Variants in TPP2 observed in about 807,000 individuals in gnomAD.
The protein encoded by TPP2 is tripeptidyl-peptidase 2.
TPP2 carries 34 observed loss-of-function variants against 155.9 expected under a neutral mutation model. That is an observed-to-expected ratio of 0.22 (90% CI 0.17 to 0.29). TPP2 has a LOEUF of 0.29. Ranked by LOEUF, TPP2 falls within the 10% of genes least tolerant of loss-of-function variation. The pLI is 1.00. For synonymous variants in TPP2, 510 were observed against 529.4 expected (o/e 0.96, Z 0.50); for missense variants, 1,028 against 1,522.3 (o/e 0.68, Z 5.40).
rs773568607 is a variant in TPP2, at chr13:102,637,274, CTT to C, written c.1836+37_1836+38del. On this transcript the variant is annotated intron_variant, in intron 14 of 29. Coordinates refer to ENST00000376052, the MANE Select transcript of TPP2 (RefSeq NM_001330588.2). ...TATCTTCATTTTTACTTTCTTCACT[CTT>C]TAAAATGTTTAAAAGGTTAAAAAAA... 5.1e-6 allele frequency: 8 copies of C among 1,557,148 alleles called. No homozygotes were observed. The East Asian group carries it at 1.6e-4, about 31-fold the overall frequency.
intron 25 of TPP2, among the ~76,000 whole-genome samples, chr13:102,658,761 G>GT (rs1162610791): frequency 2.5e-5 from 1 of 39,428 alleles, no homozygotes; most frequent in Non-Finnish European, 5.3e-5. Flanking sequence ...TCCAGCTCCT[G>GT]GGGGAGGGAA....
Position 102,644,953 on chromosome 13 carries a change from G to C in TPP2, c.2337G>C (p.Leu779Phe). The C allele has an allele frequency of 1.2e-6, 2 of 1,614,052 alleles. No individual in the cohort carries two copies. The highest frequency in any genetic ancestry group is 1.7e-6 in the Non-Finnish European group (2 of 1,179,956). ...GINRFDVQSSLKYEDLAPCIT... is the reference protein window; with the variant it reads ...GINRFDVQSSFKYEDLAPCIT... Reference sequence around the variant, plus strand: ...ACCGCTTTGATGTTCAGTCCTCCTTGAAATACGAAGATCTGGCTCCCTGCA... The same window carrying C: ...ACCGCTTTGATGTTCAGTCCTCCTTCAAATACGAAGATCTGGCTCCCTGCA... The change falls in exon 19 of 30, where the codon TTG becomes TTC. Residue 779 changes from leucine (L) to phenylalanine (F), a missense_variant. Coordinates refer to ENST00000376052, the MANE Select transcript of TPP2 (RefSeq NM_001330588.2).
chr13:102,671,314 G>A (rs1420049263), intron 27 of TPP2, among the ~76,000 whole-genome samples: 1 of 152,126 alleles, frequency 6.6e-6, no homozygotes, highest in African/African-American at 2.4e-5. Flanking sequence ...AGACTTTTTG[G>A]GAATGAGGAA....
intron 27 of TPP2, among the ~76,000 whole-genome samples, chr13:102,673,975 A>T (rs527628241): frequency 2.3e-4 from 35 of 152,332 alleles, no homozygotes; most frequent in African/African-American, 7.2e-4. Flanking sequence ...TTACCTGATT[A>T]AGAGTTATAT....
chr13:102,670,919 A>G (rs926136331), intron 27 of TPP2, among the ~76,000 whole-genome samples: 1 of 152,232 alleles, frequency 6.6e-6, no homozygotes, highest in African/African-American at 2.4e-5. Flanking sequence ...TCTTTACGAC[A>G]GAGGCATATA....
intron 16 of TPP2, among the ~76,000 whole-genome samples, 199 bp downstream of exon 16, chr13:102,640,575 C>T (rs143886842): frequency 1.4e-3 from 209 of 151,292 alleles, no homozygotes; most frequent in African/African-American, 4.9e-3. Context: ...GAAATTAAGC[C>T]ATCTTAAGAT....
chr13:102,648,321 GGT>G (rs1239408040), intron 21 of TPP2, among the ~76,000 whole-genome samples: 3 of 152,078 alleles, frequency 2.0e-5, no homozygotes, highest in Admixed American at 6.5e-5. Flanking sequence ...TCTAGGCTAT[GGT>G]GCACTATGAT....
intron 3 of TPP2, among the ~76,000 whole-genome samples, chr13:102,615,617 A>G (rs1880658051): frequency 6.6e-6 from 1 of 152,154 alleles, no homozygotes; most frequent in African/African-American, 2.4e-5. Context: ...ATAGAACCCT[A>G]TCAAGTCAAA....
chr13:102,621,017 C>T (rs1324562100), intron 5 of TPP2, among the ~76,000 whole-genome samples: 1 of 152,164 alleles, frequency 6.6e-6, no homozygotes. Context: ...GTGTATGAGC[C>T]TCATTTTGAT....
chr13:102,676,503 A>G lies in TPP2; in HGVS notation c.3699+88A>G, dbSNP rs116191497. The stretch of plus-strand genomic sequence containing the variant: ...CTAGAAAGGATTAGGACTGTGATAT[A>G]GCAATACTGGTTTTATTGTGACCAG... On this transcript the variant is annotated intron_variant, in intron 29 of 29. Coordinates refer to ENST00000376052, the MANE Select transcript of TPP2 (RefSeq NM_001330588.2). 1,563 of 1,485,224 alleles carry G rather than the reference A, an allele frequency of 1.1e-3. 10 individuals carry two copies. In the African/African-American group the frequency reaches 0.018, roughly 17 times the overall value. The allele number at this position is 1,485,224 out of a possible 1,614,324, so 92.0% of individuals were successfully genotyped here.
At chr13:102,676,243 C>T (rs1885275648) in intron 28 of TPP2, 53 bp from the exon 29 acceptor site, 2 of 1,446,240 alleles carry the variant, frequency 1.4e-6, no homozygotes, top group African/African-American at 2.9e-5. Context: ...AAAGCTAATG[C>T]CTTAAAATGT....
chr13:102,597,879 TA>T (rs1268057834), intron 1 of TPP2, among the ~76,000 whole-genome samples: 2 of 152,208 alleles, frequency 1.3e-5, no homozygotes, highest in Non-Finnish European at 2.9e-5. Context: ...CGTGTTTGCT[TA>T]GGGTCATTGA....
At chr13:102,608,153 C>T (rs1181534875) in intron 2 of TPP2, 1 of 152,104 alleles carries the variant, frequency 6.6e-6, no homozygotes, top group Non-Finnish European at 1.5e-5. Flanking sequence ...TTTAAAAAGA[C>T]AAATATTTTT....
At chr13:102,639,076 A>G (rs1882581516) in intron 15 of TPP2, among the ~76,000 whole-genome samples, 1 of 152,320 alleles carries the variant, frequency 6.6e-6, no homozygotes, top group Admixed American at 6.5e-5. Flanking sequence ...CCCTGGGTGA[A>G]GGGAGTCCCT....
chr13:102,655,014 C>G lies in TPP2; in HGVS notation c.2992-2042C>G, dbSNP rs769133785. On this transcript the variant is annotated intron_variant, in intron 24 of 29. Coordinates refer to ENST00000376052, the MANE Select transcript of TPP2 (RefSeq NM_001330588.2). The stretch of plus-strand genomic sequence containing the variant: ...TCCCAGTCTCATGTTTCACGTGAGG[C>G]CTTTGTTTACAGGTTCTGGCCCCCT... 9.9e-6 allele frequency: 5 copies of G among 507,528 alleles called. No homozygotes were observed. In the East Asian group the frequency reaches 2.2e-4, roughly 23 times the overall value. The allele number at this position is 507,528 out of a possible 1,614,324, so 31.4% of individuals were successfully genotyped here.
intron 15 of TPP2, 114 bp from the exon 16 acceptor site, chr13:102,640,156 A>G (rs1457769518): frequency 6.1e-6 from 5 of 816,288 alleles, no homozygotes; most frequent in Non-Finnish European, 9.2e-6. Context: ...ACCAGCTTCT[A>G]AGTCCCTGTG....
chr13:102,620,150 G>A lies in TPP2; in HGVS notation c.620+1304G>A, dbSNP rs555895421. ...TACTTTGTCTTAGGAAAAGGAATCCGGAGTCAGGATGTCCAGGGTACCAGT... is the reference window on the plus strand; with the variant it reads ...TACTTTGTCTTAGGAAAAGGAATCCAGAGTCAGGATGTCCAGGGTACCAGT... On this transcript the variant is annotated intron_variant, in intron 5 of 29. Transcript: ENST00000376052. Among the ~76,000 whole-genome samples the A allele has an allele frequency of 5.3e-5, 8 of 152,288 alleles. No individual in the cohort carries two copies. The South Asian group carries it at 1.2e-3, about 24-fold the overall frequency.
At chr13:102,643,453 T>C in intron 17 of TPP2, 77 bp downstream of exon 17, 2 of 1,275,122 alleles carry the variant, frequency 1.6e-6, no homozygotes, top group Non-Finnish European at 2.0e-6. Flanking sequence ...AGTATTTGCA[T>C]TTGATTTTAT....
chr13:102,649,087 A>G lies in TPP2; in HGVS notation c.2809A>G (p.Ser937Gly). Residue 937 changes from serine to glycine, a missense_variant, in exon 22 of 30, where the codon AGC (serine) becomes GGC (glycine). Physicochemically the swap from Ser to Gly is moderately conservative, Grantham distance 56. Transcript: ENST00000376052. ...TGCACTTCTAGGGAAGAAGAAATCA[A>G]GCAATTTGACATTACCACCCAAATA... The part of the protein sequence containing the change: ...SFALLGKKKS[S>G]NLTLPPKYNQ... 6.2e-7 allele frequency: 1 copy of G among 1,613,376 alleles called. No individual in the cohort carries two copies. Among genetic ancestry groups the G allele is most frequent in the Non-Finnish European group, 8.5e-7 (1 of 1,179,810 alleles).
Sources: gnomAD v4.1 joint callset for allele counts (sites outside exome capture counted in the v4.1 genomes callset) on GRCh38, gnomAD v4.1.1 for gene constraint, MANE v1.5 for transcripts, NCBI Gene and HGNC (gene_info 2026-07-23, HGNC 2026-07-21) for gene names.